Variants in COPRS observed in about 807,000 individuals in gnomAD.
COPRS encodes the protein coordinator of PRMT5 and differentiation stimulator.
COPRS carries 11 observed loss-of-function variants against 19.9 expected under a neutral mutation model. The ratio of observed to expected loss-of-function variants is 0.55; its 90% CI spans 0.35 to 0.92. The LOEUF is 0.92. Ranked by LOEUF, COPRS falls within the 40% of genes least tolerant of loss-of-function variation. The probability of loss-of-function intolerance (pLI) is 0.01; values close to 1 mark genes in which losing one functional copy is unlikely to be tolerated. For missense variants in COPRS, 225 were observed against 229.9 expected (o/e 0.98, Z 0.14); for synonymous variants, 81 against 82.7 (o/e 0.98, Z 0.11).
At chr17:31,855,668 A>G (rs1909321390) in intron 2 of COPRS, among the ~76,000 whole-genome samples, 1 of 150,896 alleles carries the variant, frequency 6.6e-6, no homozygotes, top group African/African-American at 2.4e-5. Flanking sequence ...CCTGGGTGAC[A>G]GAGTGAGACT....
intron 1 of COPRS, chr17:31,858,383 A>G (rs1161271739): frequency 6.1e-6 from 6 of 985,340 alleles, no homozygotes; most frequent in Non-Finnish European, 6.0e-6. Context: ...TTGGCTAAGT[A>G]CCATCTTTGA....
intron 1 of COPRS, among the ~76,000 whole-genome samples, chr17:31,857,789 TTAGACACCATTTATGAAAA>T (rs1909409470): frequency 6.6e-6 from 1 of 152,208 alleles, no homozygotes; most frequent in Non-Finnish European, 1.5e-5. Flanking sequence ...GGACTTATGA[TTAGACACCATTTATGAAAA>T]CACCTGGCAT....
Position 31,852,279 on chromosome 17 carries a change from G to A in COPRS, c.415C>T (p.Gln139Ter), listed in dbSNP as rs556916214. 3.5e-5 allele frequency: 57 copies of A among 1,612,806 alleles called. No homozygotes were observed. Among genetic ancestry groups the A allele is most frequent in the Non-Finnish European group, 4.6e-5 (54 of 1,179,322 alleles). ...DADDIQESIS[Q>*]ELKPWVCCAP... The stretch of plus-strand genomic sequence containing the variant: ...CAGCACACCCAAGGTTTAAGCTCTT[G>A]AGAAATGCTCTCCTGGATGTCGTCA... Residue 139 changes from glutamine (Q) to a stop codon, truncating the protein, a stop_gained, in exon 4 of 4, where the codon CAA becomes TAA. Coordinates refer to ENST00000302362, the MANE Select transcript of COPRS (RefSeq NM_018405.4). LOFTEE classifies it high-confidence loss of function.
chr17:31,852,723 G>T, intron 3 of COPRS, 89 bp downstream of exon 3: 2 of 879,186 alleles, frequency 2.3e-6, no homozygotes, highest in South Asian at 2.6e-5. Context: ...TCATAGATGT[G>T]GACCCCTGTT....
At chr17:31,852,523 A>C (rs1304026654) in intron 3 of COPRS, among the ~76,000 whole-genome samples, 2 of 152,214 alleles carry the variant, frequency 1.3e-5, no homozygotes, top group Non-Finnish European at 2.9e-5. Context: ...AGCAGTGAAG[A>C]AGCAAACTGG....
chr17:31,854,628 A>G (rs1414035100), intron 2 of COPRS, among the ~76,000 whole-genome samples: 3 of 152,252 alleles, frequency 2.0e-5, no homozygotes, highest in African/African-American at 7.2e-5. Context: ...TTATTCAGCC[A>G]TAAAAAGGAA....
chr17:31,858,482 T>G, intron 1 of COPRS: 1 of 831,092 alleles, frequency 1.2e-6, no homozygotes, highest in Non-Finnish European at 1.5e-6. Context: ...GTTCCTACCT[T>G]CAAGCCGCTC....
chr17:31,857,613 G>A (rs1233588028), intron 1 of COPRS, among the ~76,000 whole-genome samples: 1 of 152,076 alleles, frequency 6.6e-6, no homozygotes, highest in African/African-American at 2.4e-5. Context: ...TGACCTCCAA[G>A]ACCTCTTTCT....
At chr17:31,856,453 C>G in intron 2 of COPRS, 1 of 278,260 alleles carries the variant, frequency 3.6e-6, no homozygotes. Context: ...TAAACCATAT[C>G]AGAAATAGTA....
Position 31,852,100 on chromosome 17 carries a change from G to A in COPRS, c.*39C>T, listed in dbSNP as rs368404872. 5 of 1,611,322 alleles carry A rather than the reference G, an allele frequency of 3.1e-6. No individual in the cohort carries two copies. The highest frequency in any genetic ancestry group is 4.2e-6 in the Non-Finnish European group (5 of 1,178,924). ...CCAAGACAGGAAAAGAGATCTTGAC[G>A]TGGAGGCCCGCCCACCTACAAGGCA... On this transcript the variant is annotated 3_prime_UTR_variant, in exon 4 of 4. Transcript: ENST00000302362.
At chr17:31,858,494 G>T in intron 1 of COPRS, 1 of 716,650 alleles carries the variant, frequency 1.4e-6, no homozygotes, top group Non-Finnish European at 1.7e-6. Flanking sequence ...AAGCCGCTCA[G>T]CACCTAGCCG....
intron 1 of COPRS, chr17:31,858,876 G>GCGCC (rs1909443973): frequency 6.5e-7 from 1 of 1,537,714 alleles, no homozygotes; most frequent in African/African-American, 1.4e-5. Context: ...CTGACCCAGA[G>GCGCC]CGCCCACCCA....
chr17:31,859,242 C>A lies in COPRS; in HGVS notation c.-43G>T, dbSNP rs1817787274. ...TGGTCGCCCTGGACGCCGTGGGCCA[C>A]GTGACGCGCCGGCCCGGCTGCCCGC... On this transcript the variant is annotated 5_prime_UTR_variant, in exon 1 of 4. Coordinates refer to ENST00000302362, the MANE Select transcript of COPRS (RefSeq NM_018405.4). 2 of 870,886 alleles carry A rather than the reference C, an allele frequency of 2.3e-6. No individual in the cohort carries two copies. The highest frequency in any genetic ancestry group is 2.8e-6 in the Non-Finnish European group (2 of 715,804). 53.9% of individuals were successfully genotyped at this position (870,886 alleles called of 1,614,324 possible). A position where few individuals can be genotyped will look rare whatever the true frequency, so the allele number is the denominator to read the frequency against.
chr17:31,857,540 T>C (rs1909399569), intron 1 of COPRS, among the ~76,000 whole-genome samples: 2 of 152,184 alleles, frequency 1.3e-5, no homozygotes, highest in African/African-American at 2.4e-5. Flanking sequence ...TAACTGAAAA[T>C]CTTCCCGCAC....
At chr17:31,858,307 C>T in intron 1 of COPRS, 1 of 932,042 alleles carries the variant, frequency 1.1e-6, no homozygotes, top group Non-Finnish European at 1.3e-6. Flanking sequence ...CAAAATTAGT[C>T]CCATTCTATT....
chr17:31,852,036 G>A lies in COPRS; in HGVS notation c.*103C>T. ...ACTGGTCTGTGTACCCCAGACTAGG[G>A]GTCACTGCAAACATTTTCTCAGATA... On this transcript the variant is annotated 3_prime_UTR_variant, in exon 4 of 4. Coordinates refer to ENST00000302362, the MANE Select transcript of COPRS (RefSeq NM_018405.4). 7.4e-7 allele frequency: 1 copy of A among 1,346,782 alleles called. No homozygotes were observed. Among genetic ancestry groups the A allele is most frequent in the South Asian group, 1.3e-5 (1 of 78,764 alleles). The allele number at this position is 1,346,782 out of a possible 1,614,324, so 83.4% of individuals were successfully genotyped here.
chr17:31,854,798 G>A (rs1909281911), intron 2 of COPRS, among the ~76,000 whole-genome samples: 1 of 152,106 alleles, frequency 6.6e-6, no homozygotes, highest in Non-Finnish European at 1.5e-5. Flanking sequence ...AAGCAAATTA[G>A]TGGTTGCCAA....
At chr17:31,857,166 C>A (rs1382216571) in intron 1 of COPRS, among the ~76,000 whole-genome samples, 1 of 152,166 alleles carries the variant, frequency 6.6e-6, no homozygotes, top group African/African-American at 2.4e-5. Context: ...CAGAGCCAGT[C>A]TTATCACTGC....
chr17:31,857,405 A>G (rs1909396353), intron 1 of COPRS, among the ~76,000 whole-genome samples: 1 of 152,152 alleles, frequency 6.6e-6, no homozygotes, highest in African/African-American at 2.4e-5. Flanking sequence ...CTTTTCAGTT[A>G]CTTAACAACT....
Sources: gnomAD v4.1 joint callset for allele counts (sites outside exome capture counted in the v4.1 genomes callset) on GRCh38, gnomAD v4.1.1 for gene constraint, MANE v1.5 for transcripts, NCBI Gene and HGNC (gene_info 2026-07-23, HGNC 2026-07-21) for gene names.